Variants in LDLRAD4 observed in about 807,000 individuals in gnomAD.
LDLRAD4 encodes low-density lipoprotein receptor class A domain-containing protein 4.
Under a neutral mutation model 17.0 loss-of-function variants are expected in LDLRAD4, and 5 were observed. That is an observed-to-expected ratio of 0.29 (90% CI 0.15 to 0.62). The LOEUF (loss-of-function observed/expected upper bound fraction) is 0.62. LDLRAD4 is among the 20% of genes least tolerant of loss of function. The probability of loss-of-function intolerance (pLI) is 0.84; values close to 1 mark genes in which losing one functional copy is unlikely to be tolerated. For synonymous variants in LDLRAD4, 168 were observed against 171.8 expected, an observed-to-expected ratio of 0.98 and a Z score of 0.17; for missense variants, 340 against 424.7, an observed-to-expected ratio of 0.80 and a Z score of 1.75.
At chr18:13,428,849 A>T (rs1410664127) in intron 2 of LDLRAD4, among the ~76,000 whole-genome samples, 1 of 152,116 alleles carries the variant, frequency 6.6e-6, no homozygotes, top group Non-Finnish European at 1.5e-5. Flanking sequence ...AAAATGAGGT[A>T]TTTGGCCTTG....
At chr18:13,273,073 T>C (rs2044656959) in intron 1 of LDLRAD4, among the ~76,000 whole-genome samples, 1 of 152,252 alleles carries the variant, frequency 6.6e-6, no homozygotes, top group South Asian at 2.1e-4. Context: ...ACGTGCATTT[T>C]ATGATGTGAC....
intron 3 of LDLRAD4, among the ~76,000 whole-genome samples, chr18:13,542,031 A>G (rs1411770239): frequency 6.6e-6 from 1 of 152,132 alleles, no homozygotes; most frequent in Non-Finnish European, 1.5e-5. Context: ...AGCTGTGATC[A>G]TGCCACCGCA....
intron 3 of LDLRAD4, among the ~76,000 whole-genome samples, chr18:13,585,707 A>C (rs2094924169): frequency 6.6e-6 from 1 of 152,246 alleles, no homozygotes; most frequent in African/African-American, 2.4e-5. Context: ...ATTTTCTCCA[A>C]ATGTAAGCAC....
At chr18:13,436,751 C>T (rs1340065076) in intron 2 of LDLRAD4, among the ~76,000 whole-genome samples, 1 of 152,244 alleles carries the variant, frequency 6.6e-6, no homozygotes, top group Non-Finnish European at 1.5e-5. Context: ...AGCAGCACCC[C>T]CACCACGTGG....
intron 3 of LDLRAD4, among the ~76,000 whole-genome samples, chr18:13,580,348 CT>C (rs1389111794): frequency 2.0e-5 from 3 of 152,224 alleles, no homozygotes; most frequent in Non-Finnish European, 4.4e-5. Context: ...GGCTTGTGAC[CT>C]TTTCGTCATC....
At chr18:13,528,586 T>G (rs1309986404) in intron 3 of LDLRAD4, among the ~76,000 whole-genome samples, 4 of 152,232 alleles carry the variant, frequency 2.6e-5, no homozygotes, top group Admixed American at 6.5e-5. Flanking sequence ...GTGCTGAGAT[T>G]ACAGGCATGA....
At chr18:13,522,804 G>C (rs190587475) in intron 3 of LDLRAD4, 1 of 152,908 alleles carries the variant, frequency 6.5e-6, no homozygotes, top group African/African-American at 2.4e-5. Context: ...TGGGGCTTGG[G>C]GGGGGATTTT....
chr18:13,304,245 A>G (rs1471509259), intron 1 of LDLRAD4, among the ~76,000 whole-genome samples: 2 of 152,180 alleles, frequency 1.3e-5, no homozygotes, highest in African/African-American at 4.8e-5. Flanking sequence ...ACCTCTCAGC[A>G]TCTCTGGCTG....
intron 1 of LDLRAD4, among the ~76,000 whole-genome samples, chr18:13,350,598 A>G (rs992276177): frequency 3.9e-5 from 6 of 152,036 alleles, no homozygotes; most frequent in Non-Finnish European, 8.8e-5. Context: ...CACTCTGATG[A>G]TAGTTTCTTT....
At chr18:13,354,027 A>G (rs555743594) in intron 1 of LDLRAD4, among the ~76,000 whole-genome samples, 2 of 152,244 alleles carry the variant, frequency 1.3e-5, no homozygotes, top group African/African-American at 4.8e-5. Context: ...TACAACAGTG[A>G]TTTAACTCAC....
At chr18:13,265,727 C>A (rs190651356) in intron 1 of LDLRAD4, among the ~76,000 whole-genome samples, 2 of 152,136 alleles carry the variant, frequency 1.3e-5, no homozygotes, top group Non-Finnish European at 2.9e-5. Context: ...CCCAGGGCTT[C>A]GTTGGCCATG....
chr18:13,415,969 G>T (rs112771584), intron 2 of LDLRAD4, among the ~76,000 whole-genome samples: 1 of 152,228 alleles, frequency 6.6e-6, no homozygotes, highest in Non-Finnish European at 1.5e-5. Flanking sequence ...TCATCTCTGC[G>T]GTGACTTGCG....
At chr18:13,505,135 C>A (rs971000142) in intron 3 of LDLRAD4, among the ~76,000 whole-genome samples, 3 of 152,204 alleles carry the variant, frequency 2.0e-5, no homozygotes. Flanking sequence ...ATAAAAATGT[C>A]TCTTAATTCC....
intron 4 of LDLRAD4, among the ~76,000 whole-genome samples, chr18:13,630,302 G>T (rs1245840583): frequency 6.6e-6 from 1 of 152,224 alleles, no homozygotes; most frequent in African/African-American, 2.4e-5. Context: ...AGGGGGAGGT[G>T]CAGTCTCTGA....
chr18:13,258,424 C>T (rs770069103), intron 1 of LDLRAD4, among the ~76,000 whole-genome samples: 35 of 151,768 alleles, frequency 2.3e-4, no homozygotes, highest in South Asian at 6.2e-4. Context: ...CCACTAGGGA[C>T]GATGGTGAAA....
At chr18:13,344,330 T>G (rs1002814761) in intron 1 of LDLRAD4, among the ~76,000 whole-genome samples, 3 of 152,238 alleles carry the variant, frequency 2.0e-5, no homozygotes, top group Non-Finnish European at 4.4e-5. Flanking sequence ...CACCATTTAT[T>G]AAATAGGGAA....
chr18:13,594,687 A>AAAAAAAAAAAAAAAC (rs1390993124), intron 3 of LDLRAD4, among the ~76,000 whole-genome samples: 1 of 149,200 alleles, frequency 6.7e-6, no homozygotes, highest in Non-Finnish European at 1.5e-5. Context: ...AAAAAAAAAA[A>AAAAAAAAAAAAAAAC]AAGAAACAGG....
chr18:13,517,244 A>G (rs560175860), intron 3 of LDLRAD4, among the ~76,000 whole-genome samples: 2 of 152,380 alleles, frequency 1.3e-5, no homozygotes, highest in East Asian at 3.9e-4. Context: ...CATCAATTCC[A>G]GTGGATGCTT....
intron 1 of LDLRAD4, among the ~76,000 whole-genome samples, chr18:13,375,035 C>G (rs1282420947): frequency 6.6e-6 from 1 of 152,210 alleles, no homozygotes; most frequent in Non-Finnish European, 1.5e-5. Flanking sequence ...CTATCTTTAC[C>G]CGGTTTTTGG....
Sources: allele counts gnomAD v4.1 joint callset (sites outside exome capture counted in the v4.1 genomes callset), GRCh38; gene constraint gnomAD v4.1.1; transcripts MANE v1.5; gene names NCBI Gene and HGNC (gene_info 2026-07-23, HGNC 2026-07-21).